The following TNFRSF19 variants were observed in gnomAD, a reference collection of about 807,000 sequenced individuals.
TNFRSF19 encodes the protein tumor necrosis factor receptor superfamily member 19.
Under a neutral mutation model 46.4 loss-of-function variants are expected in TNFRSF19, and 27 were observed. The ratio of observed to expected loss-of-function variants is 0.58; its 90% CI spans 0.43 to 0.80. TNFRSF19 has a LOEUF of 0.80. TNFRSF19 is among the 30% of genes least tolerant of loss of function. TNFRSF19 has a pLI of 0.00. For synonymous variants in TNFRSF19, 204 were observed against 205.0 expected (o/e 1.00, Z 0.04); for missense variants, 511 against 530.8 (o/e 0.96, Z 0.37).
chr13:23,622,893 A>G (rs887793789), intron 4 of TNFRSF19, among the ~76,000 whole-genome samples: 1 of 152,238 alleles, frequency 6.6e-6, no homozygotes, highest in African/African-American at 2.4e-5. Context: ...GACTTCTTAA[A>G]GAAGAAAGCT....
At chr13:23,583,250 TA>T (rs1878582226) in intron 1 of TNFRSF19, among the ~76,000 whole-genome samples, 1 of 152,164 alleles carries the variant, frequency 6.6e-6, no homozygotes, top group Non-Finnish European at 1.5e-5. Context: ...TTCAAATAAG[TA>T]GGCCATAATA....
At chr13:23,572,051 T>C (rs1377099365) in intron 1 of TNFRSF19, among the ~76,000 whole-genome samples, 1 of 152,120 alleles carries the variant, frequency 6.6e-6, no homozygotes, top group Non-Finnish European at 1.5e-5. Flanking sequence ...CATAAGTAAT[T>C]AATTTTTCAC....
rs200872169 is a variant in TNFRSF19 at position 23,604,013 on chromosome 13, TA to T, written c.180+10567del. The stretch of plus-strand genomic sequence containing the variant: ...TCCTACCTCATGCACCAAGACAAAA[TA>T]AAAAAAAAGAAATAAAAGGTAAACT... On this transcript the variant is annotated intron_variant, in intron 3 of 9. Coordinates refer to ENST00000248484, the MANE Select transcript of TNFRSF19 (RefSeq NM_148957.4). Among the ~76,000 whole-genome samples the T allele has an allele frequency of 6.1e-5, 9 of 148,082 alleles. No homozygotes were observed. The East Asian group carries it at 1.8e-3, about 29-fold the overall frequency.
chr13:23,599,419 C>T (rs1879968629), intron 3 of TNFRSF19, among the ~76,000 whole-genome samples: 1 of 152,118 alleles, frequency 6.6e-6, no homozygotes, highest in Non-Finnish European at 1.5e-5. Context: ...ATCCTGACAG[C>T]ATGTGTCCAA....
chr13:23,620,894 A>G (rs911751400), intron 4 of TNFRSF19, among the ~76,000 whole-genome samples: 2 of 152,166 alleles, frequency 1.3e-5, no homozygotes, highest in African/African-American at 4.8e-5. Context: ...CTATCATCCG[A>G]ACCACTCTGT....
intron 3 of TNFRSF19, among the ~76,000 whole-genome samples, chr13:23,595,747 G>C (rs1260979639): frequency 6.6e-6 from 1 of 152,072 alleles, no homozygotes; most frequent in Non-Finnish European, 1.5e-5. Flanking sequence ...TCAAATTCAG[G>C]AAATACAGAG....
rs59907466 is a variant in TNFRSF19 at position 23,614,769 on chromosome 13, A to ATG, written c.181-1098_181-1097insTG. On this transcript the variant is annotated intron_variant, in intron 3 of 9. Transcript: ENST00000248484. ...TACATATATATATATATATATATAT[A>ATG]GTACCTGGCAGGCCCTGTAGTGTAG... 9.0e-3 allele frequency among the ~76,000 whole-genome samples: 1,327 copies of ATG among 147,178 alleles called. 51 individuals carry two copies. Among genetic ancestry groups the ATG allele is most frequent in the African/African-American group, 0.026 (1,015 of 39,516 alleles).
chr13:23,600,271 T>A (rs1292790920), intron 3 of TNFRSF19, among the ~76,000 whole-genome samples: 1 of 152,198 alleles, frequency 6.6e-6, no homozygotes, highest in Admixed American at 6.5e-5. Flanking sequence ...TCCGCAGCTC[T>A]TAGATCTGCA....
At chr13:23,578,900 G>C (rs1326102267) in intron 1 of TNFRSF19, among the ~76,000 whole-genome samples, 5 of 152,216 alleles carry the variant, frequency 3.3e-5, no homozygotes, top group Non-Finnish European at 5.9e-5. Flanking sequence ...AGGCGTCCGT[G>C]GGAACGCGCA....
intron 4 of TNFRSF19, 94 bp from the exon 5 acceptor site, chr13:23,626,613 G>A (rs1178775618): frequency 1.8e-5 from 21 of 1,184,186 alleles, no homozygotes; most frequent in African/African-American, 6.0e-5. Flanking sequence ...ACTTTTAACC[G>A]TAGAACTGGT....
chr13:23,597,005 T>C (rs1282347274), intron 3 of TNFRSF19, among the ~76,000 whole-genome samples: 4 of 151,952 alleles, frequency 2.6e-5, no homozygotes, highest in Non-Finnish European at 4.4e-5. Context: ...ACTGGGTAAA[T>C]AACAAAATTA....
intron 6 of TNFRSF19, 148 bp from the exon 7 acceptor site, chr13:23,660,217 A>G: frequency 1.2e-6 from 1 of 841,024 alleles, no homozygotes. Context: ...TTAACAAATT[A>G]TTTCATGTTT....
At chr13:23,661,262 T>C (rs185825262) in intron 7 of TNFRSF19, among the ~76,000 whole-genome samples, 1 of 152,358 alleles carries the variant, frequency 6.6e-6, no homozygotes, top group Admixed American at 6.5e-5. Context: ...TCTCATCATT[T>C]AGCTCTTGCT....
At chr13:23,578,893 C>T (rs1878157733) in intron 1 of TNFRSF19, among the ~76,000 whole-genome samples, 1 of 152,214 alleles carries the variant, frequency 6.6e-6, no homozygotes, top group African/African-American at 2.4e-5. Flanking sequence ...CCCCGGGAGG[C>T]GTCCGTGGGA....
At chr13:23,627,765 C>G (rs1882102026) in intron 5 of TNFRSF19, among the ~76,000 whole-genome samples, 1 of 152,196 alleles carries the variant, frequency 6.6e-6, no homozygotes, top group Non-Finnish European at 1.5e-5. Flanking sequence ...TGGTAAAAGT[C>G]CCCTCTGAAC....
intron 9 of TNFRSF19, chr13:23,669,642 G>C (rs1457810192): frequency 1.0e-6 from 1 of 985,168 alleles, no homozygotes; most frequent in East Asian, 1.1e-4. Flanking sequence ...CTGAGACCAG[G>C]TCATAAGACC....
At position 23,659,451 on chromosome 13, in the gene TNFRSF19, G is replaced by A. The variant is rs1884200102; in HGVS notation, c.610+237G>A. 6.6e-6 allele frequency among the ~76,000 whole-genome samples: 1 copy of A among 152,128 alleles called. No individual in the cohort carries two copies. Among genetic ancestry groups the A allele is most frequent in the Non-Finnish European group, 1.5e-5 (1 of 68,020 alleles). ...TAACTACTAATAGCCTATTGTTGAC[G>A]GGAAGCCTTACTGATAAACAGTTGG... On this transcript the variant is annotated intron_variant, in intron 6 of 9. Transcript: ENST00000248484. The surrounding 1 kb of genome is among the most constrained non-coding windows in gnomAD (Gnocchi z 4.9).
chr13:23,642,044 C>T (rs1883060467), intron 5 of TNFRSF19, among the ~76,000 whole-genome samples: 4 of 152,096 alleles, frequency 2.6e-5, no homozygotes, highest in Admixed American at 2.6e-4. Context: ...TGGTTTCACG[C>T]CATTGTAAAG....
rs1951703271 is a variant in TNFRSF19, at chr13:23,668,928, C to A, written c.1076C>A (p.Ala359Asp). ...AGCAGTCAAGATTTGGTTGGTGGGG[C>A]TGTTCCAGTCCAGTCTCATTCTGAA... ...SNSSQDLVGG[A>D]VPVQSHSENF... Residue 359 changes from alanine (A) to aspartate (D), a missense_variant, in exon 9 of 10, where the codon GCT becomes GAT. Coordinates refer to ENST00000248484, the MANE Select transcript of TNFRSF19 (RefSeq NM_148957.4). The A allele has an allele frequency of 6.2e-7, 1 of 1,614,150 alleles. No homozygotes were observed. Among genetic ancestry groups the A allele is most frequent in the African/African-American group, 1.3e-5 (1 of 74,952 alleles).
Sources: allele counts gnomAD v4.1 joint callset (sites outside exome capture counted in the v4.1 genomes callset), GRCh38; gene constraint gnomAD v4.1.1; non-coding constraint Gnocchi (gnomAD v3.1); transcripts MANE v1.5; gene names NCBI Gene and HGNC (gene_info 2026-07-23, HGNC 2026-07-21).